Variants in RNFT2 observed in about 807,000 individuals in gnomAD.
RNFT2 encodes ring finger protein, transmembrane 2, also known as E3 ubiquitin-protein ligase RNFT2.
In RNFT2, 36 loss-of-function variants were observed where a neutral mutation model predicts 53.0. That is an observed-to-expected ratio of 0.68 (90% CI 0.52 to 0.90). The LOEUF is 0.90. Ranked by LOEUF, RNFT2 falls within the 40% of genes least tolerant of loss-of-function variation. RNFT2 has a pLI of 0.00. For synonymous variants in RNFT2, 260 were observed against 253.2 expected (o/e 1.03, Z -0.26); for missense variants, 514 against 585.6 (o/e 0.88, Z 1.26).
intron 7 of RNFT2, among the ~76,000 whole-genome samples, chr12:116,815,666 T>C (rs1472471664): frequency 6.6e-6 from 1 of 152,220 alleles, no homozygotes; most frequent in Non-Finnish European, 1.5e-5. Flanking sequence ...CTCAGGAGCC[T>C]TAATTTCATC....
chr12:116,825,164 T>C (rs4766805), intron 7 of RNFT2, among the ~76,000 whole-genome samples: 17,104 of 152,098 alleles, frequency 0.11, 1,502 homozygotes, highest in African/African-American at 0.23. Flanking sequence ...TGGCTGGTTT[T>C]CATGTTTCTC....
Position 116,762,293 on chromosome 12 carries a change from T to C in RNFT2, c.628-4521T>C, listed in dbSNP as rs567747922. On this transcript the variant is annotated intron_variant, in intron 5 of 10. Transcript: ENST00000257575. ...TACTTGGGAGGCTGAGGCAGGAGAA[T>C]TGCTTGAACCTGGGAGGTGGAGGTT... Among the ~76,000 whole-genome samples, 6 of 151,978 alleles carry C rather than the reference T, an allele frequency of 3.9e-5. No homozygotes were observed. In the South Asian group the frequency reaches 1.2e-3, roughly 32 times the overall value.
intron 7 of RNFT2, 91 bp downstream of exon 7, chr12:116,779,439 G>A: frequency 1.5e-6 from 2 of 1,358,356 alleles, no homozygotes; most frequent in East Asian, 2.4e-5. Context: ...GAATGGATGA[G>A]GGTGGACTGA....
chr12:116,787,865 C>T (rs937301797), intron 7 of RNFT2, among the ~76,000 whole-genome samples: 3 of 152,182 alleles, frequency 2.0e-5, no homozygotes, highest in Non-Finnish European at 2.9e-5. Context: ...CCCTCTTTCA[C>T]TCCCTTACTC....
chr12:116,747,519 C>T (rs1871954844), intron 3 of RNFT2, among the ~76,000 whole-genome samples: 2 of 151,878 alleles, frequency 1.3e-5, no homozygotes, highest in South Asian at 4.2e-4. Flanking sequence ...AGAGTGAGAC[C>T]CCCGTCTCAC....
At chr12:116,759,970 C>T (rs1316223361) in intron 5 of RNFT2, among the ~76,000 whole-genome samples, 1 of 152,074 alleles carries the variant, frequency 6.6e-6, no homozygotes, top group African/African-American at 2.4e-5. Context: ...AGGGAAGGAC[C>T]ATCGGGTTGG....
chr12:116,762,094 A>G (rs1872714352), intron 5 of RNFT2, among the ~76,000 whole-genome samples: 1 of 151,618 alleles, frequency 6.6e-6, no homozygotes, highest in Non-Finnish European at 1.5e-5. Context: ...AAAAAAAGAA[A>G]AGAGCCAGGC....
At chr12:116,792,770 G>A (rs1183350050) in intron 7 of RNFT2, among the ~76,000 whole-genome samples, 1 of 152,138 alleles carries the variant, frequency 6.6e-6, no homozygotes, top group African/African-American at 2.4e-5. Flanking sequence ...GTTTTCATCT[G>A]CAGCGGGGGG....
At position 116,852,790 on chromosome 12, in the gene RNFT2, C is replaced by G. The variant is rs1877991438; in HGVS notation, c.*3342C>G. On this transcript the variant is annotated 3_prime_UTR_variant, in exon 11 of 11. Transcript: ENST00000257575. Reference sequence around the variant, plus strand: ...TTTATTACTTTGGGAAGTCACTCAGCCTCCCTGTAGCCATCTCCAGGGTGA... The same window carrying G: ...TTTATTACTTTGGGAAGTCACTCAGGCTCCCTGTAGCCATCTCCAGGGTGA... 1 of 1,446,372 alleles carries G rather than the reference C, an allele frequency of 6.9e-7. No individual in the cohort carries two copies. The highest frequency in any genetic ancestry group is 9.7e-7 in the Non-Finnish European group (1 of 1,028,656). 89.6% of individuals were successfully genotyped at this position (1,446,372 alleles called of 1,614,324 possible). A position where few individuals can be genotyped will look rare whatever the true frequency, so the allele number is the denominator to read the frequency against.
intron 10 of RNFT2, among the ~76,000 whole-genome samples, chr12:116,842,513 C>A (rs1156415857): frequency 6.6e-6 from 1 of 152,120 alleles, no homozygotes; most frequent in Non-Finnish European, 1.5e-5. Context: ...CAATTATGCA[C>A]ATAAAGAACA....
intron 7 of RNFT2, among the ~76,000 whole-genome samples, chr12:116,826,587 G>A (rs1349927966): frequency 6.6e-6 from 1 of 152,086 alleles, no homozygotes; most frequent in Admixed American, 6.6e-5. Flanking sequence ...TTTCAAAGTG[G>A]CCCACCCCCG....
chr12:116,852,812 G>A lies in RNFT2; in HGVS notation c.*3364G>A. 8.5e-7 allele frequency: 1 copy of A among 1,181,436 alleles called. No homozygotes were observed. The highest frequency in any genetic ancestry group is 2.3e-5 in the East Asian group (1 of 42,652). The allele number at this position is 1,181,436 out of a possible 1,614,324, so 73.2% of individuals were successfully genotyped here. On this transcript the variant is annotated 3_prime_UTR_variant, in exon 11 of 11. Transcript: ENST00000257575. ...CAGCCTCCCTGTAGCCATCTCCAGG[G>A]TGACGGAACCCAGTGTATTACCTGC...
intron 10 of RNFT2, among the ~76,000 whole-genome samples, chr12:116,843,664 G>A (rs1311359348): frequency 6.6e-6 from 1 of 151,220 alleles, no homozygotes; most frequent in Non-Finnish European, 1.5e-5. Flanking sequence ...TTCTCCACAT[G>A]CTGGAGGCAG....
At chr12:116,823,687 AAAT>A (rs924513176) in intron 7 of RNFT2, among the ~76,000 whole-genome samples, 1 of 152,190 alleles carries the variant, frequency 6.6e-6, no homozygotes, top group African/African-American at 2.4e-5. Context: ...TGTCTAAAAA[AAAT>A]AATAATAATA....
chr12:116,804,683 G>C (rs923036252), intron 7 of RNFT2, among the ~76,000 whole-genome samples: 3 of 152,076 alleles, frequency 2.0e-5, no homozygotes, highest in Admixed American at 2.0e-4. Context: ...GTTCTTTCTC[G>C]AGGCAGGCTG....
At chr12:116,827,608 T>C (rs1455496142) in intron 7 of RNFT2, among the ~76,000 whole-genome samples, 1 of 152,234 alleles carries the variant, frequency 6.6e-6, no homozygotes, top group Non-Finnish European at 1.5e-5. Flanking sequence ...AATAAAGTTT[T>C]ATTGGAACAC....
At chr12:116,807,590 C>G (rs1363681978) in intron 7 of RNFT2, among the ~76,000 whole-genome samples, 4 of 152,004 alleles carry the variant, frequency 2.6e-5, no homozygotes, top group Non-Finnish European at 5.9e-5. Flanking sequence ...TCTGCCTCTC[C>G]CCGCACCATT....
chr12:116,853,383 G>T lies in RNFT2; in HGVS notation c.*3935G>T. The T allele has an allele frequency of 2.5e-6, 1 of 392,822 alleles. No individual in the cohort carries two copies. The highest frequency in any genetic ancestry group is 3.6e-5 in the East Asian group (1 of 27,814). The allele number at this position is 392,822 out of a possible 1,614,324, so 24.3% of individuals were successfully genotyped here. A position where few individuals can be genotyped will look rare whatever the true frequency, so the allele number is the denominator to read the frequency against. ...GTAAAATATCTTGAGAATAATAAAT[G>T]TGAGGGAATAAGAAAGGCAAGCTTT... is the stretch of plus-strand genomic sequence containing the variant. On this transcript the variant is annotated 3_prime_UTR_variant, in exon 11 of 11. Transcript: ENST00000257575.
chr12:116,774,776 GA>G (rs1344016539), intron 6 of RNFT2, among the ~76,000 whole-genome samples: 1 of 150,494 alleles, frequency 6.6e-6, no homozygotes, highest in Non-Finnish European at 1.5e-5. Context: ...GGTCCGGGTG[GA>G]GGGTGGAGGG....
Sources: gnomAD v4.1 joint callset for allele counts (sites outside exome capture counted in the v4.1 genomes callset) on GRCh38, gnomAD v4.1.1 for gene constraint, MANE v1.5 for transcripts, NCBI Gene and HGNC (gene_info 2026-07-23, HGNC 2026-07-21) for gene names.